ANKRD36: variants seen among roughly 807,000 people sequenced by gnomAD.
The protein encoded by ANKRD36 is ankyrin repeat domain-containing protein 36A.
A neutral mutation model predicts 278.1 loss-of-function variants in ANKRD36; 179 were observed. The ratio of observed to expected loss-of-function variants is 0.64; its 90% CI spans 0.57 to 0.73. The LOEUF is 0.73. ANKRD36 is among the 30% of genes least tolerant of loss of function. The pLI, the probability that ANKRD36 is intolerant of heterozygous loss-of-function variation, is 0.00. For missense variants in ANKRD36, 1,159 were observed against 1,956.7 expected, an observed-to-expected ratio of 0.59 and a Z score of 7.69; for synonymous variants, 320 against 641.1, an observed-to-expected ratio of 0.50 and a Z score of 7.57.
chr2:97,184,171 T>G lies in ANKRD36; in HGVS notation c.1939+517T>G, dbSNP rs1191895282. ...GAAGTTATTTATGTAATTTTGGGGT[T>G]TCTGCTGAGGAAACCTGAGTGAACT... On this transcript the variant is annotated intron_variant, in intron 28 of 75. Transcript: ENST00000420699. Among the ~76,000 whole-genome samples, 3 of 151,618 alleles carry G rather than the reference T, an allele frequency of 2.0e-5. No homozygotes were observed. The Admixed American group carries it at 2.0e-4, about 10-fold the overall frequency.
intron 12 of ANKRD36, among the ~76,000 whole-genome samples, chr2:97,149,590 A>G (rs1297139489): frequency 6.6e-6 from 1 of 151,946 alleles, no homozygotes; most frequent in African/African-American, 2.4e-5. Flanking sequence ...CTGAAAAAAA[A>G]TTGCTGGAAA....
At chr2:97,176,692 C>T (rs1380535885) in intron 22 of ANKRD36, among the ~76,000 whole-genome samples, 5 of 150,940 alleles carry the variant, frequency 3.3e-5, no homozygotes, top group South Asian at 2.1e-4. Context: ...TTATTTTGCT[C>T]GTTAGTTGAT....
Position 97,217,202 on chromosome 2 carries a change from G to A in ANKRD36, c.3699G>A (p.Gln1233=), listed in dbSNP as rs2066180594. The stretch of plus-strand genomic sequence containing the variant: ...TGTCTCCTCAGAAACAATCGGCCCA[G>A]AAGGTAGTTACTCTTTCATTTATAT... ...GTVSPQKQSA[Q]KVIFKKKVSL... Residue 1233 remains glutamine (Q), a synonymous_variant, in exon 63 of 76, where the codon CAG becomes CAA. Transcript: ENST00000420699. The A allele has an allele frequency of 6.4e-7, 1 of 1,553,276 alleles. No homozygotes were observed. The highest frequency in any genetic ancestry group is 1.4e-5 in the African/African-American group (1 of 72,866).
chr2:97,202,104 A>G lies in ANKRD36; in HGVS notation c.2858-98A>G. 3.8e-6 allele frequency: 6 copies of G among 1,580,092 alleles called. No individual in the cohort carries two copies. The East Asian group carries it at 7.0e-5, about 18-fold the overall frequency. On this transcript the variant is annotated intron_variant, in intron 46 of 75. Coordinates refer to ENST00000420699, the MANE Select transcript of ANKRD36 (RefSeq NM_001354587.1). Reference sequence around the variant, plus strand: ...AAGCCATGAAGGCCTATGCTAATACAGGCAGGAGGACAGAGGTTGATTCTA... The same window carrying G: ...AAGCCATGAAGGCCTATGCTAATACGGGCAGGAGGACAGAGGTTGATTCTA...
chr2:97,196,005 T>C (rs1473652720), intron 40 of ANKRD36, among the ~76,000 whole-genome samples: 31 of 151,826 alleles, frequency 2.0e-4, no homozygotes, highest in East Asian at 2.0e-3. Context: ...ATTATTACAC[T>C]ACATGGGTGT....
chr2:97,141,006 T>C (rs926795194), intron 6 of ANKRD36, among the ~76,000 whole-genome samples: 2 of 151,772 alleles, frequency 1.3e-5, no homozygotes, highest in African/African-American at 4.8e-5. Context: ...ATCAATGATA[T>C]GTTCTTCGTT....
At chr2:97,152,372 C>G in intron 13 of ANKRD36, 132 bp from the exon 14 acceptor site, 2 of 656,500 alleles carry the variant, frequency 3.0e-6, no homozygotes, top group Non-Finnish European at 5.0e-6. Flanking sequence ...CTTGGCTTCT[C>G]AAGTGATACT....
chr2:97,135,365 C>T lies in ANKRD36; in HGVS notation c.800-7275C>T, dbSNP rs1462365430. Among the ~76,000 whole-genome samples, 7 of 151,542 alleles carry T rather than the reference C, an allele frequency of 4.6e-5. No homozygotes were observed. In the Admixed American group the frequency reaches 4.6e-4, roughly 10 times the overall value. ...TATATATCTATAATAAAATTTAATG[C>T]ATAAATTAGGCACAATAAGAGATTA... is the stretch of plus-strand genomic sequence containing the variant. On this transcript the variant is annotated intron_variant, in intron 6 of 75. Coordinates refer to ENST00000420699, the MANE Select transcript of ANKRD36 (RefSeq NM_001354587.1).
At chr2:97,158,252 G>C in intron 16 of ANKRD36, 85 bp downstream of exon 16, 3 of 1,362,184 alleles carry the variant, frequency 2.2e-6, no homozygotes, top group Non-Finnish European at 3.0e-6. Flanking sequence ...TGTAGACAGA[G>C]TGTTACTCAC....
At chr2:97,198,426 T>C (rs1267664716) in intron 42 of ANKRD36, 37 bp from the exon 43 acceptor site, 18 of 1,567,780 alleles carry the variant, frequency 1.1e-5, no homozygotes, top group South Asian at 2.4e-5. Flanking sequence ...TTGTCGTTTT[T>C]ACATATGAGT....
intron 22 of ANKRD36, among the ~76,000 whole-genome samples, chr2:97,171,363 A>G (rs1290524777): frequency 2.0e-5 from 3 of 147,540 alleles, no homozygotes; most frequent in South Asian, 4.4e-4. Context: ...ATGGAATACT[A>G]TGCAGCCATA....
At chr2:97,198,335 A>G in intron 42 of ANKRD36, 128 bp from the exon 43 acceptor site, 2 of 1,525,020 alleles carry the variant, frequency 1.3e-6, no homozygotes, top group Non-Finnish European at 1.8e-6. Flanking sequence ...CCAGACACAA[A>G]GTAGAAGCCA....
intron 48 of ANKRD36, 124 bp from the exon 49 acceptor site, chr2:97,203,944 G>A (rs2153604629): frequency 2.1e-6 from 3 of 1,433,996 alleles, no homozygotes; most frequent in Non-Finnish European, 2.8e-6. Flanking sequence ...ACCAAAATTA[G>A]AAGCCATCAA....
chr2:97,217,001 A>G, intron 62 of ANKRD36, 176 bp from the exon 63 acceptor site: 1 of 1,331,880 alleles, frequency 7.5e-7, no homozygotes, highest in Non-Finnish European at 1.0e-6. Flanking sequence ...TGAAGGCTGT[A>G]TTACTTTATT....
At chr2:97,224,335 T>C (rs1304256304) in intron 66 of ANKRD36, among the ~76,000 whole-genome samples, 2 of 151,758 alleles carry the variant, frequency 1.3e-5, no homozygotes, top group Admixed American at 1.3e-4. Flanking sequence ...TGCTGAAGTT[T>C]TGGAGGATTA....
chr2:97,142,070 G>C (rs1443011838), intron 6 of ANKRD36, among the ~76,000 whole-genome samples: 5 of 145,656 alleles, frequency 3.4e-5, no homozygotes, highest in Admixed American at 2.1e-4. Context: ...GAGAAATAAT[G>C]AATACTGTCT....
intron 68 of ANKRD36, among the ~76,000 whole-genome samples, chr2:97,235,037 G>A (rs1255011337): frequency 6.8e-6 from 1 of 148,022 alleles, no homozygotes; most frequent in East Asian, 2.1e-4. Context: ...CAATTTAATT[G>A]TTGAATTACA....
chr2:97,191,342 C>G (rs1482341340), intron 36 of ANKRD36, among the ~76,000 whole-genome samples, 161 bp downstream of exon 36: 1 of 151,686 alleles, frequency 6.6e-6, no homozygotes, highest in African/African-American at 2.4e-5. Flanking sequence ...GGTGATGCTG[C>G]TGGTCTGGAA....
chr2:97,138,695 G>A (rs971071632), intron 6 of ANKRD36, among the ~76,000 whole-genome samples: 2 of 151,910 alleles, frequency 1.3e-5, no homozygotes, highest in Non-Finnish European at 2.9e-5. Context: ...ATACTACAAG[G>A]CTACAGTAAT....
Sources: allele counts gnomAD v4.1 joint callset (sites outside exome capture counted in the v4.1 genomes callset), GRCh38; gene constraint gnomAD v4.1.1; transcripts MANE v1.5; gene names NCBI Gene and HGNC (gene_info 2026-07-23, HGNC 2026-07-21).